KATNBL1: variants seen among roughly 807,000 people sequenced by gnomAD.
KATNBL1 encodes katanin regulatory subunit B1 like 1.
KATNBL1 carries 28 observed loss-of-function variants against 44.7 expected under a neutral mutation model. The ratio of observed to expected loss-of-function variants is 0.63; its 90% CI spans 0.46 to 0.86. KATNBL1 has a LOEUF of 0.86. Ranked by LOEUF, KATNBL1 falls within the 40% of genes least tolerant of loss-of-function variation. KATNBL1 has a pLI of 0.00. For synonymous variants in KATNBL1, 78 were observed against 114.9 expected (o/e 0.68, Z 2.06); for missense variants, 272 against 350.7 (o/e 0.78, Z 1.79).
At chr15:34,169,270 G>C (rs1308274936) in intron 1 of KATNBL1, among the ~76,000 whole-genome samples, 3 of 152,048 alleles carry the variant, frequency 2.0e-5, no homozygotes, top group Non-Finnish European at 4.4e-5. Context: ...CACCACTGAT[G>C]CCCCAGAAAT....
chr15:34,160,525 T>C (rs1482374623), intron 2 of KATNBL1, among the ~76,000 whole-genome samples: 5 of 152,180 alleles, frequency 3.3e-5, no homozygotes, highest in Non-Finnish European at 7.3e-5. Flanking sequence ...CTTTGAGTCT[T>C]TTTAGGAATT....
intron 1 of KATNBL1, among the ~76,000 whole-genome samples, chr15:34,182,255 A>T (rs2140970368): frequency 6.6e-6 from 1 of 152,244 alleles, no homozygotes; most frequent in East Asian, 1.9e-4. Flanking sequence ...TTGGCAGATC[A>T]TTTATTCTAT....
At chr15:34,184,223 G>A (rs141448944) in intron 1 of KATNBL1, among the ~76,000 whole-genome samples, 1,962 of 151,822 alleles carry the variant, frequency 0.013, 14 homozygotes, top group Middle Eastern at 0.044. Flanking sequence ...GGAGAATGGC[G>A]TGAACCCGAG....
chr15:34,191,299 A>T (rs1889866376), intron 1 of KATNBL1, among the ~76,000 whole-genome samples: 1 of 151,160 alleles, frequency 6.6e-6, no homozygotes, highest in South Asian at 2.1e-4. Flanking sequence ...TTAACATAAC[A>T]GTCTATTAGG....
At chr15:34,195,400 T>C (rs562901820) in intron 1 of KATNBL1, among the ~76,000 whole-genome samples, 1 of 151,794 alleles carries the variant, frequency 6.6e-6, no homozygotes, top group African/African-American at 2.4e-5. Context: ...ATGAAAGCAG[T>C]GTGGAATAAT....
intron 2 of KATNBL1, among the ~76,000 whole-genome samples, chr15:34,155,448 A>C (rs1888609088): frequency 6.6e-6 from 1 of 152,202 alleles, no homozygotes; most frequent in Non-Finnish European, 1.5e-5. Context: ...CTACTGCTAC[A>C]ATTGCAAGAG....
Position 34,154,697 on chromosome 15 carries a change from A to G in KATNBL1, c.118-13T>C, listed in dbSNP as rs753247547. The stretch of plus-strand genomic sequence containing the variant: ...GAGATTTCTTAACCTGAAAAATGAA[A>G]GTAGATAGTTGATGTTAGAAACAAA... On this transcript the variant is annotated splice_polypyrimidine_tract_variant and intron_variant, in intron 2 of 9. Coordinates refer to ENST00000256544, the MANE Select transcript of KATNBL1 (RefSeq NM_024713.3). 1.3e-6 allele frequency: 2 copies of G among 1,543,388 alleles called. No individual in the cohort carries two copies. The highest frequency in any genetic ancestry group is 1.8e-6 in the Non-Finnish European group (2 of 1,116,110).
intron 8 of KATNBL1, chr15:34,146,077 C>T (rs1159793438): frequency 6.6e-6 from 1 of 151,906 alleles, no homozygotes; most frequent in East Asian, 1.9e-4. Context: ...GCCTGAGTAG[C>T]TGGGACTACA....
At chr15:34,178,739 G>A (rs186059885) in intron 1 of KATNBL1, among the ~76,000 whole-genome samples, 1 of 126,734 alleles carries the variant, frequency 7.9e-6, no homozygotes, top group African/African-American at 3.2e-5. Flanking sequence ...CTGGGCGACA[G>A]AGCAAGACTC....
At chr15:34,188,878 C>G (rs1258822560) in intron 1 of KATNBL1, among the ~76,000 whole-genome samples, 1 of 152,104 alleles carries the variant, frequency 6.6e-6, no homozygotes, top group African/African-American at 2.4e-5. Flanking sequence ...TGGAAAGAAT[C>G]AAAGCAAAAC....
chr15:34,202,719 G>A (rs932011199), intron 1 of KATNBL1, among the ~76,000 whole-genome samples: 3 of 152,126 alleles, frequency 2.0e-5, no homozygotes, highest in African/African-American at 7.2e-5. Context: ...GGCCAGGCGC[G>A]GTGGTTCACG....
chr15:34,175,079 A>G (rs966411640), intron 1 of KATNBL1, among the ~76,000 whole-genome samples: 9 of 151,398 alleles, frequency 5.9e-5, no homozygotes, highest in African/African-American at 2.2e-4. Flanking sequence ...CTAAGATTCC[A>G]TTACAATAAA....
chr15:34,182,510 G>A (rs900836552), intron 1 of KATNBL1, among the ~76,000 whole-genome samples: 2 of 152,108 alleles, frequency 1.3e-5, no homozygotes, highest in Non-Finnish European at 2.9e-5. Flanking sequence ...TTTTGAGAGT[G>A]AAAGGAGTTA....
At position 34,148,731 on chromosome 15, in the gene KATNBL1, G is replaced by C. The variant is rs1274926599; in HGVS notation, c.458C>G (p.Thr153Arg). 5.0e-6 allele frequency: 8 copies of C among 1,607,174 alleles called. No individual in the cohort carries two copies. The highest frequency in any genetic ancestry group is 1.3e-5 in the African/African-American group (1 of 74,766). Residue 153 changes from threonine (T) to arginine (R), a missense_variant, in exon 5 of 10, where the codon ACA becomes AGA. Thr to Arg is a moderately conservative substitution (Grantham distance 71, BLOSUM62 -1). Transcript: ENST00000256544. ...CCTGCTGAACAAAACTTGGGCCATT[G>C]TTTCATGGTCCTGAGAAACCTGAAA... ...FFSEVSQDHE[T>R]MAQVLFSRNM...
chr15:34,197,538 A>G (rs1890058074), intron 1 of KATNBL1, among the ~76,000 whole-genome samples: 1 of 152,252 alleles, frequency 6.6e-6, no homozygotes, highest in Non-Finnish European at 1.5e-5. Context: ...GCAAACTTTA[A>G]TATCAGTTCC....
intron 1 of KATNBL1, among the ~76,000 whole-genome samples, chr15:34,190,011 C>G (rs1889828435): frequency 6.6e-6 from 1 of 150,754 alleles, no homozygotes; most frequent in South Asian, 2.1e-4. Context: ...GTGGCACGAT[C>G]TCGGCTCACT....
At chr15:34,144,899 A>G (rs1888263611) in intron 9 of KATNBL1, 1 of 230,426 alleles carries the variant, frequency 4.3e-6, no homozygotes, top group Admixed American at 6.2e-5. Context: ...TTTAAATATT[A>G]AAATTCAAAC....
At chr15:34,155,118 A>G (rs995598538) in intron 2 of KATNBL1, among the ~76,000 whole-genome samples, 2 of 152,198 alleles carry the variant, frequency 1.3e-5, no homozygotes, top group Admixed American at 6.5e-5. Flanking sequence ...TAGGGCAAGG[A>G]GGTGTAAAGA....
intron 1 of KATNBL1, among the ~76,000 whole-genome samples, chr15:34,185,525 G>C (rs147251816): frequency 6.6e-6 from 1 of 152,258 alleles, no homozygotes; most frequent in East Asian, 1.9e-4. Context: ...TATTAGATTA[G>C]TTAATATAAA....
Sources: gnomAD v4.1 joint callset for allele counts (sites outside exome capture counted in the v4.1 genomes callset) on GRCh38, gnomAD v4.1.1 for gene constraint, MANE v1.5 for transcripts, NCBI Gene and HGNC (gene_info 2026-07-23, HGNC 2026-07-21) for gene names.